The following GIGYF1 variants were observed in gnomAD, a reference collection of about 807,000 sequenced individuals.
GIGYF1 encodes the protein GRB10-interacting GYF protein 1.
A neutral mutation model predicts 147.1 loss-of-function variants in GIGYF1; 84 were observed. The ratio of observed to expected loss-of-function variants is 0.57; its 90% CI spans 0.48 to 0.68. The LOEUF (loss-of-function observed/expected upper bound fraction) is 0.68. Ranked by LOEUF, GIGYF1 falls within the 30% of genes least tolerant of loss-of-function variation. GIGYF1 has a pLI of 0.00. For missense variants in GIGYF1, 1,485 were observed against 1,393.7 expected (o/e 1.07, Z -1.04); for synonymous variants, 752 against 589.5 (o/e 1.28, Z -3.99).
In GIGYF1 at chr7:100,681,961, C is replaced by T. The variant is rs753596973; in HGVS notation, c.2958G>A (p.Thr986=). The T allele has an allele frequency of 1.5e-5, 24 of 1,609,016 alleles. No homozygotes were observed. Among genetic ancestry groups the T allele is most frequent in the East Asian group, 4.5e-5 (2 of 44,882 alleles). The stretch of plus-strand genomic sequence containing the variant: ...TGGTGCTGTGGTTGGCCTGGAAGGC[C>T]GTCTGCAGCGAGGCGCTGCTCAGCC... ...EAWLSSASLQ[T]AFQANHSTKL... is the part of the protein sequence containing the mutation. The change falls in exon 26 of 27, where the codon ACG becomes ACA. Residue 986 remains threonine (T), a synonymous_variant. Coordinates refer to ENST00000678049, the MANE Select transcript of GIGYF1 (RefSeq NM_001375765.1).
In GIGYF1 at chr7:100,687,359, C is replaced by G. The variant is rs1426989424; in HGVS notation, c.421G>C (p.Gly141Arg). 8.7e-6 allele frequency: 14 copies of G among 1,613,350 alleles called. No homozygotes were observed. Among genetic ancestry groups the G allele is most frequent in the Non-Finnish European group, 1.2e-5 (14 of 1,180,000 alleles). The change falls in exon 8 of 27, where the codon GGC becomes CGC. Residue 141 changes from glycine to arginine, a missense_variant. Transcript: ENST00000678049. ...SCFYQRSIEE[G>R]DGAFGRSPRE... ...GGGCTTCGTCCAAAGGCCCCATCGC[C>G]TTCTTCGATGCTTCTTTGGTAAAAG...
intron 18 of GIGYF1, 41 bp downstream of exon 18, chr7:100,683,979 C>T (rs770777051): frequency 6.3e-7 from 1 of 1,580,802 alleles, no homozygotes; most frequent in East Asian, 2.3e-5. Context: ...CCCCCATCCC[C>T]CCCCCACCCT....
rs1460375302 is a variant in GIGYF1 at position 100,683,203 on chromosome 7, A to C, written c.2221T>G (p.Leu741Val). 5 of 1,609,742 alleles carry C rather than the reference A, an allele frequency of 3.1e-6. No homozygotes were observed. The African/African-American group carries it at 5.3e-5, about 17-fold the overall frequency. Residue 741 changes from leucine to valine, a missense_variant, in exon 22 of 27, where the codon TTG becomes GTG. By Grantham distance (32) the Leu-to-Val change is conservative. Transcript: ENST00000678049. ...HVRQQELLLK[L>V]LQQQQAVPVP... Reference sequence around the variant, plus strand: ...GGGACCGCCTGCTGCTGCTGTAGCAACTTCAGCAATAGCTCCTGCTGCCGC... The same window carrying C: ...GGGACCGCCTGCTGCTGCTGTAGCACCTTCAGCAATAGCTCCTGCTGCCGC...
At position 100,682,404 on chromosome 7, in the gene GIGYF1, C is replaced by A. The variant is rs1268195526; in HGVS notation, c.2679G>T (p.Gln893His). 1 of 1,613,650 alleles carries A rather than the reference C, an allele frequency of 6.2e-7. No individual in the cohort carries two copies. Among genetic ancestry groups the A allele is most frequent in the Middle Eastern group, 1.6e-4 (1 of 6,082 alleles). Reference sequence around the variant, plus strand: ...AGCCGTCCTGGGGCCTGGGAATGCCCTGCAGCAGCTTCAGCAGCTTCTCTT... The same window carrying A: ...AGCCGTCCTGGGGCCTGGGAATGCCATGCAGCAGCTTCAGCAGCTTCTCTT... Reference protein sequence around the residue: ...EEEEKLLKLLQGIPRPQDGFT... With the variant: ...EEEEKLLKLLHGIPRPQDGFT... The change falls in exon 24 of 27, where the codon CAG becomes CAT. Residue 893 changes from glutamine to histidine, a missense_variant. Gln to His is a conservative substitution (Grantham distance 24, BLOSUM62 0). Coordinates refer to ENST00000678049, the MANE Select transcript of GIGYF1 (RefSeq NM_001375765.1).
At chr7:100,691,861 G>A (rs1159578898) in intron 1 of GIGYF1, among the ~76,000 whole-genome samples, 1 of 152,256 alleles carries the variant, frequency 6.6e-6, no homozygotes, top group Non-Finnish European at 1.5e-5. Flanking sequence ...GGACACGCTG[G>A]GCCCGGGTGC....
chr7:100,691,278 G>A (rs1474368322), intron 1 of GIGYF1, among the ~76,000 whole-genome samples: 2 of 152,182 alleles, frequency 1.3e-5, no homozygotes, highest in Non-Finnish European at 2.9e-5. Context: ...CAAGAGCTAT[G>A]TGACTCCAGA....
intron 12 of GIGYF1, among the ~76,000 whole-genome samples, 153 bp from the exon 13 acceptor site, chr7:100,685,634 A>C (rs938953246): frequency 1.3e-5 from 2 of 152,128 alleles, no homozygotes; most frequent in African/African-American, 4.8e-5. Context: ...TGGCAGAGGG[A>C]ATGCGGTGCC....
Position 100,679,917 on chromosome 7 carries a change from C to CT in GIGYF1, c.*1801dup, listed in dbSNP as rs1804565091. Reference sequence around the variant, plus strand: ...GAGTGTCCCCCTTCCCCTGCATTGGCTGCGGCAGGGGTGGGGGGGTTACAT... The same window carrying CT: ...GAGTGTCCCCCTTCCCCTGCATTGGCTTGCGGCAGGGGTGGGGGGGTTACAT... On this transcript the variant is annotated 3_prime_UTR_variant, in exon 27 of 27. Transcript: ENST00000678049. The CT allele has an allele frequency of 6.6e-6, 1 of 152,516 alleles. No homozygotes were observed. The highest frequency in any genetic ancestry group is 2.4e-5 in the African/African-American group (1 of 41,384). The allele number at this position is 152,516 out of a possible 1,614,324, so 9.4% of individuals were successfully genotyped here. A position where few individuals can be genotyped will look rare whatever the true frequency, so the allele number is the denominator to read the frequency against.
chr7:100,685,272 C>A (rs1584497942), intron 13 of GIGYF1, 72 bp downstream of exon 13: 5 of 1,531,368 alleles, frequency 3.3e-6, no homozygotes, highest in East Asian at 2.3e-5. Context: ...TGTGTGCCCA[C>A]CCCCACGAGT....
In GIGYF1 at chr7:100,682,702, T is replaced by C; in HGVS notation, c.2488A>G (p.Lys830Glu). ...EAGPLWGGPD[K>E]SGGGSSGLGL... is the part of the protein sequence containing the mutation. The stretch of plus-strand genomic sequence containing the variant: ...AGGCCGCTGCTGCCGCCCCCACTCT[T>C]GTCTGGCCCGCCCCACAGTGGCCCA... The change falls in exon 23 of 27, where the codon AAG becomes GAG. Residue 830 changes from lysine to glutamate, a missense_variant. By Grantham distance (56) the Lys-to-Glu change is moderately conservative. Transcript: ENST00000678049. 4 of 1,591,720 alleles carry C rather than the reference T, an allele frequency of 2.5e-6. No homozygotes were observed. In the South Asian group the frequency reaches 3.4e-5, roughly 14 times the overall value.
At chr7:100,692,382 AAAG>A (rs1453470818) in intron 1 of GIGYF1, among the ~76,000 whole-genome samples, 7 of 152,204 alleles carry the variant, frequency 4.6e-5, no homozygotes, top group Admixed American at 1.3e-4. Context: ...CAGCCAGGGA[AAAG>A]AAGGAGGAAG....
At chr7:100,683,718 C>T (rs530540417) in intron 19 of GIGYF1, 86 bp from the exon 20 acceptor site, 2 of 1,557,508 alleles carry the variant, frequency 1.3e-6, no homozygotes, top group Admixed American at 1.7e-5. Context: ...GGCTCCCCAG[C>T]CAGAATGGCA....
At position 100,680,182 on chromosome 7, in the gene GIGYF1, A is replaced by AAT. The variant is rs1804594781; in HGVS notation, c.*1536_*1537insAT. 1 of 152,040 alleles carries AAT rather than the reference A, an allele frequency of 6.6e-6. No individual in the cohort carries two copies. The allele number at this position is 152,040 out of a possible 1,614,324, so 9.4% of individuals were successfully genotyped here. A position where few individuals can be genotyped will look rare whatever the true frequency, so the allele number is the denominator to read the frequency against. On this transcript the variant is annotated 3_prime_UTR_variant, in exon 27 of 27. Coordinates refer to ENST00000678049, the MANE Select transcript of GIGYF1 (RefSeq NM_001375765.1). Reference sequence around the variant, plus strand: ...CTTTGGTGCAAAAAAAAAAAAAAAAAAAAAAAAATCCAACAACAGAAAACC... The same window carrying AAT: ...CTTTGGTGCAAAAAAAAAAAAAAAAAATAAAAAAAATCCAACAACAGAAAACC...
chr7:100,685,057 G>T lies in GIGYF1; in HGVS notation c.1282C>A (p.Leu428Met). 1 of 1,568,600 alleles carries T rather than the reference G, an allele frequency of 6.4e-7. No homozygotes were observed. The highest frequency in any genetic ancestry group is 8.7e-7 in the Non-Finnish European group (1 of 1,155,662). ...TTCTCAGGCCCCCACACCTGCTGCA[G>T]GTGCTTCAAGCCTTCATCATCCTCC... ...DLEDDEGLKHLQQEAEKLVAS... is the reference protein window; with the variant it reads ...DLEDDEGLKHMQQEAEKLVAS... Residue 428 changes from leucine (L) to methionine (M), a missense_variant, in exon 14 of 27, where the codon CTG becomes ATG. Coordinates refer to ENST00000678049, the MANE Select transcript of GIGYF1 (RefSeq NM_001375765.1).
rs943416088 is a variant in GIGYF1 at position 100,687,532 on chromosome 7, G to C, written c.346C>G (p.Arg116Gly). 1 of 1,612,334 alleles carries C rather than the reference G, an allele frequency of 6.2e-7. No homozygotes were observed. The change falls in exon 7 of 27, where the codon CGA becomes GGA. Residue 116 changes from arginine to glycine, a missense_variant. Physicochemically the swap from Arg to Gly is moderately radical, Grantham distance 125. Transcript: ENST00000678049. ...CGGCTCCGCGTGCTGCCCCTGCCTC[G>C]GGAGGTGCCAGCCAGGGGGGGGCCA... ...GAGPPLAGTS[R>G]GRGSTRSRGR...
chr7:100,684,935 T>C (rs888640181), intron 14 of GIGYF1, 41 bp from the exon 15 acceptor site: 37 of 1,597,278 alleles, frequency 2.3e-5, no homozygotes, highest in African/African-American at 5.4e-5. Flanking sequence ...GCTGCCAATC[T>C]CAGCAACATC....
In GIGYF1 at chr7:100,682,489, G is replaced by A. The variant is rs1017712307; in HGVS notation, c.2601-7C>T. ...TAGGTGGCTGTATGAGTCACTGAAG[G>A]GGGAGGGTGAGTCAGGGTTGGAAAT... On this transcript the variant is annotated splice_polypyrimidine_tract_variant and splice_region_variant and intron_variant, in intron 23 of 26. Transcript: ENST00000678049. The A allele has an allele frequency of 2.5e-6, 4 of 1,610,808 alleles. No homozygotes were observed. The highest frequency in any genetic ancestry group is 1.6e-4 in the Middle Eastern group (1 of 6,062).
Position 100,683,097 on chromosome 7 carries a change from T to A in GIGYF1, c.2327A>T (p.Glu776Val). Residue 776 changes from glutamate to valine, a missense_variant, in exon 22 of 27, where the codon GAG becomes GTG. Glu to Val is a moderately radical substitution (Grantham distance 121, BLOSUM62 -2). Transcript: ENST00000678049. The stretch of plus-strand genomic sequence containing the variant: ...CTGCCGCTCGCCCTCCAGCTGCAAC[T>A]CCAGGAGCGTCTTCATGGACAGCCC... ...KQGLSMKTLL[E>V]LQLEGERQLH... 6.3e-7 allele frequency: 1 copy of A among 1,590,564 alleles called. No individual in the cohort carries two copies. The highest frequency in any genetic ancestry group is 8.5e-7 in the Non-Finnish European group (1 of 1,173,932).
In GIGYF1 at chr7:100,684,496, C is replaced by A; in HGVS notation, c.1583G>T (p.Trp528Leu). The change falls in exon 16 of 27, where the codon TGG (tryptophan) becomes TTG (leucine). Residue 528 changes from tryptophan to leucine, a missense_variant. Coordinates refer to ENST00000678049, the MANE Select transcript of GIGYF1 (RefSeq NM_001375765.1). ...CCCTGGGGCAAAGGGCACGCGGCCC[C>A]ACATCTTGATCACCTCGCCCAGCGG... ...FQPLGEVIKM[W>L]GRVPFAPGPS... is the part of the protein sequence containing the mutation. The A allele has an allele frequency of 6.2e-7, 1 of 1,613,774 alleles. No homozygotes were observed. Among genetic ancestry groups the A allele is most frequent in the Non-Finnish European group, 8.5e-7 (1 of 1,180,014 alleles).
Sources: allele counts gnomAD v4.1 joint callset (sites outside exome capture counted in the v4.1 genomes callset), GRCh38; gene constraint gnomAD v4.1.1; transcripts MANE v1.5; gene names NCBI Gene and HGNC (gene_info 2026-07-23, HGNC 2026-07-21).